The following LRMDA variants were observed in gnomAD, a reference collection of about 807,000 sequenced individuals.
LRMDA encodes the protein leucine rich melanocyte differentiation associated, also known as leucine-rich melanocyte differentiation-associated protein.
Under a neutral mutation model 29.8 loss-of-function variants are expected in LRMDA, and 18 were observed. The observed-to-expected ratio is 0.60, with a 90% CI of 0.42 to 0.90. The LOEUF (loss-of-function observed/expected upper bound fraction) is 0.90. Ranked by LOEUF, LRMDA falls within the 40% of genes least tolerant of loss-of-function variation. LRMDA has a pLI of 0.00. For synonymous variants in LRMDA, 125 were observed against 109.4 expected (o/e 1.14, Z -0.89); for missense variants, 273 against 273.9 (o/e 1.00, Z 0.02).
intron 2 of LRMDA, among the ~76,000 whole-genome samples, chr10:75,637,690 C>G (rs1225243437): frequency 6.6e-6 from 1 of 152,172 alleles, no homozygotes; most frequent in African/African-American, 2.4e-5. Flanking sequence ...GAGCACAGGT[C>G]TTTTTAGGAT....
chr10:75,840,659 C>T (rs1266743827), intron 2 of LRMDA, among the ~76,000 whole-genome samples: 1 of 152,210 alleles, frequency 6.6e-6, no homozygotes, highest in Non-Finnish European at 1.5e-5. Flanking sequence ...TACAAGAAGG[C>T]AGTGAAACTC....
chr10:75,658,310 A>AAT (rs1841705638), intron 2 of LRMDA, among the ~76,000 whole-genome samples: 1 of 151,848 alleles, frequency 6.6e-6, no homozygotes. Flanking sequence ...AAAAAAAAAA[A>AAT]AAGGGAGGCA....
At position 75,967,765 on chromosome 10, in the gene LRMDA, C is replaced by T. The variant is rs184344467; in HGVS notation, c.132-68243C>T. Among the ~76,000 whole-genome samples, 41 of 148,080 alleles carry T rather than the reference C, an allele frequency of 2.8e-4. No homozygotes were observed. The East Asian group carries it at 7.6e-3, about 27-fold the overall frequency. ...ACACAGAGCTGGGAGAGGAGGGAGG[C>T]GGCGGGCAGGGGTGGGGGAGGAGCT... On this transcript the variant is annotated intron_variant, in intron 2 of 6. Transcript: ENST00000611255.
intron 2 of LRMDA, among the ~76,000 whole-genome samples, chr10:75,668,249 G>C (rs1841847715): frequency 6.6e-6 from 1 of 152,194 alleles, no homozygotes; most frequent in Admixed American, 6.5e-5. Flanking sequence ...CAGACTGGAG[G>C]CTTACTGTGG....
chr10:75,792,327 C>A (rs1843582363), intron 2 of LRMDA, among the ~76,000 whole-genome samples: 1 of 152,070 alleles, frequency 6.6e-6, no homozygotes, highest in South Asian at 2.1e-4. Context: ...TGCAGTGGTG[C>A]AATCTTGGCT....
At chr10:76,390,151 A>G (rs560980094) in intron 6 of LRMDA, among the ~76,000 whole-genome samples, 3 of 152,284 alleles carry the variant, frequency 2.0e-5, no homozygotes, top group Admixed American at 2.0e-4. Context: ...ATCAACATTT[A>G]TTATTTTCTG....
At chr10:76,116,172 T>TA (rs1849665480) in intron 5 of LRMDA, among the ~76,000 whole-genome samples, 1 of 152,172 alleles carries the variant, frequency 6.6e-6, no homozygotes, top group Non-Finnish European at 1.5e-5. Flanking sequence ...TCCACTCTGC[T>TA]GGGGGATTAA....
rs114318220 is a variant in LRMDA at position 75,887,768 on chromosome 10, G to A, written c.132-148240G>A. On this transcript the variant is annotated intron_variant, in intron 2 of 6. Coordinates refer to ENST00000611255, the MANE Select transcript of LRMDA (RefSeq NM_001305581.2). Reference sequence around the variant, plus strand: ...CATATCACTGATTCTACTACCATAAGGCAGGGGGTCTTCATTTGGAATCTC... The same window carrying A: ...CATATCACTGATTCTACTACCATAAAGCAGGGGGTCTTCATTTGGAATCTC... Among the ~76,000 whole-genome samples, 707 of 152,208 alleles carry A rather than the reference G, an allele frequency of 4.6e-3. 10 individuals carry two copies. The highest frequency in any genetic ancestry group is 0.016 in the African/African-American group (678 of 41,534).
intron 2 of LRMDA, among the ~76,000 whole-genome samples, chr10:75,981,976 T>A (rs548256836): frequency 6.6e-6 from 1 of 152,138 alleles, no homozygotes; most frequent in African/African-American, 2.4e-5. Flanking sequence ...GAGTGTTGAT[T>A]TGCCCGACAT....
intron 2 of LRMDA, among the ~76,000 whole-genome samples, chr10:75,448,066 G>A (rs1266495119): frequency 6.6e-6 from 1 of 152,222 alleles, no homozygotes; most frequent in Non-Finnish European, 1.5e-5. Flanking sequence ...TGGCCCAGGA[G>A]GTGGTGGGCA....
intron 6 of LRMDA, among the ~76,000 whole-genome samples, chr10:76,440,705 C>T (rs755064195): frequency 7.9e-5 from 12 of 151,990 alleles, no homozygotes; most frequent in Non-Finnish European, 1.5e-4. Flanking sequence ...CCATCAGATC[C>T]GGCTGTACAC....
At chr10:75,476,883 C>T (rs908403373) in intron 2 of LRMDA, among the ~76,000 whole-genome samples, 13 of 152,140 alleles carry the variant, frequency 8.5e-5, no homozygotes, top group Non-Finnish European at 1.3e-4. Context: ...CTTCTGAGGC[C>T]TCTCTCCTTG....
intron 5 of LRMDA, among the ~76,000 whole-genome samples, chr10:76,149,053 G>T (rs1367063526): frequency 6.6e-6 from 1 of 152,100 alleles, no homozygotes; most frequent in Non-Finnish European, 1.5e-5. Flanking sequence ...ATTTTCTCCA[G>T]CACTTCTTAT....
intron 2 of LRMDA, among the ~76,000 whole-genome samples, chr10:75,481,680 C>A (rs191453186): frequency 1.3e-5 from 2 of 152,196 alleles, no homozygotes; most frequent in African/African-American, 4.8e-5. Context: ...TTTTCTTGCT[C>A]GGCATCTTTT....
chr10:75,905,619 C>G (rs770584173), intron 2 of LRMDA, among the ~76,000 whole-genome samples: 3 of 152,082 alleles, frequency 2.0e-5, no homozygotes, highest in Non-Finnish European at 4.4e-5. Flanking sequence ...CACCCCCAGC[C>G]TTTTTTGAGT....
chr10:75,813,525 T>G (rs945292315), intron 2 of LRMDA, among the ~76,000 whole-genome samples: 4 of 152,184 alleles, frequency 2.6e-5, no homozygotes, highest in Non-Finnish European at 5.9e-5. Context: ...AGAACAAACT[T>G]AGGTCTCCTT....
At chr10:75,774,446 TTAA>T (rs1193124508) in intron 2 of LRMDA, among the ~76,000 whole-genome samples, 5 of 151,646 alleles carry the variant, frequency 3.3e-5, no homozygotes, top group Admixed American at 1.3e-4. Context: ...TCAAAAATAA[TTAA>T]TAATATTATG....
At chr10:76,156,919 A>T (rs1009568080) in intron 5 of LRMDA, among the ~76,000 whole-genome samples, 1 of 152,204 alleles carries the variant, frequency 6.6e-6, no homozygotes, top group African/African-American at 2.4e-5. Flanking sequence ...GGTATGCCTC[A>T]GGGGCAGAGA....
intron 2 of LRMDA, among the ~76,000 whole-genome samples, chr10:76,025,955 G>C (rs1338586036): frequency 6.6e-6 from 1 of 152,056 alleles, no homozygotes; most frequent in Non-Finnish European, 1.5e-5. Flanking sequence ...GCACAGAGTT[G>C]GCACTCAATA....
Sources: gnomAD v4.1 joint callset for allele counts (sites outside exome capture counted in the v4.1 genomes callset) on GRCh38, gnomAD v4.1.1 for gene constraint, MANE v1.5 for transcripts, NCBI Gene and HGNC (gene_info 2026-07-23, HGNC 2026-07-21) for gene names.